The following GLI3 variants were observed in gnomAD, a reference collection of about 807,000 sequenced individuals.
GLI3 encodes the protein GLI family zinc finger 3.
GLI3 carries 20 observed loss-of-function variants against 100.8 expected under a neutral mutation model. The observed-to-expected ratio is 0.20, with a 90% CI of 0.14 to 0.29. GLI3 has a LOEUF of 0.29. Ranked by LOEUF, GLI3 falls within the 10% of genes least tolerant of loss-of-function variation. The pLI, the probability that GLI3 is intolerant of heterozygous loss-of-function variation, is 1.00. For missense variants in GLI3, 2,040 were observed against 2,128.5 expected (o/e 0.96, Z 0.82); for synonymous variants, 938 against 860.5 (o/e 1.09, Z -1.58).
chr7:42,214,703 TA>T (rs1217518611), intron 2 of GLI3, among the ~76,000 whole-genome samples: 1 of 151,744 alleles, frequency 6.6e-6, no homozygotes, highest in African/African-American at 2.4e-5. Flanking sequence ...ATTTTCCCTT[TA>T]GGTTATAGCT....
chr7:42,148,759 T>C (rs1398709973), intron 2 of GLI3, among the ~76,000 whole-genome samples: 1 of 152,176 alleles, frequency 6.6e-6, no homozygotes, highest in Non-Finnish European at 1.5e-5. Flanking sequence ...AGCTTCTAGA[T>C]GGGTCTGCCC....
At chr7:42,152,181 A>G (rs1389092618) in intron 2 of GLI3, 3 of 153,038 alleles carry the variant, frequency 2.0e-5, no homozygotes, top group African/African-American at 7.2e-5. Context: ...CTAACTAAGG[A>G]CACCTCCTGT....
At chr7:42,033,820 A>T (rs1178515062) in intron 7 of GLI3, among the ~76,000 whole-genome samples, 1 of 152,154 alleles carries the variant, frequency 6.6e-6, no homozygotes, top group Non-Finnish European at 1.5e-5. Context: ...GAGAGGGAAA[A>T]AAATAAAGCT....
chr7:42,095,301 G>A (rs559211089), intron 3 of GLI3, among the ~76,000 whole-genome samples: 3 of 152,168 alleles, frequency 2.0e-5, no homozygotes, highest in Admixed American at 6.5e-5. Flanking sequence ...GAGACCCTCC[G>A]GGAACCACGG....
chr7:42,113,535 C>A, intron 3 of GLI3: 3 of 1,175,888 alleles, frequency 2.6e-6, no homozygotes, highest in Non-Finnish European at 3.8e-6. Context: ...AAAGCTGATG[C>A]TGGCAAGGAG....
chr7:42,192,472 A>G lies in GLI3; in HGVS notation c.124+30658T>C, dbSNP rs191900834. On this transcript the variant is annotated intron_variant, in intron 2 of 14. Coordinates refer to ENST00000395925, the MANE Select transcript of GLI3 (RefSeq NM_000168.6). ...CAAGGTATAGATAAAGACAAAAGAA[A>G]AGATGCTAAAATTTAAAACAGCTCA... 3.1e-3 allele frequency among the ~76,000 whole-genome samples: 473 copies of G among 152,312 alleles called. 3 individuals are homozygous for G. The highest frequency in any genetic ancestry group is 0.011 in the African/African-American group (447 of 41,572).
At chr7:42,094,581 CA>C (rs944822115) in intron 3 of GLI3, among the ~76,000 whole-genome samples, 7 of 151,604 alleles carry the variant, frequency 4.6e-5, no homozygotes, top group African/African-American at 1.7e-4. Flanking sequence ...ACTAAAAATA[CA>C]AAAAAATAGG....
intron 3 of GLI3, among the ~76,000 whole-genome samples, chr7:42,110,719 T>C (rs145578839): frequency 6.6e-6 from 1 of 152,232 alleles, no homozygotes; most frequent in East Asian, 1.9e-4. Context: ...GTAGAGCACA[T>C]ACTAACTTTA....
At chr7:42,097,182 C>A (rs758497848) in intron 3 of GLI3, among the ~76,000 whole-genome samples, 2 of 152,192 alleles carry the variant, frequency 1.3e-5, no homozygotes, top group Non-Finnish European at 2.9e-5. Context: ...ACTGGCACTC[C>A]CTGCTGCTTT....
chr7:42,167,297 CACAAACTACCATACT>C (rs1787265633), intron 2 of GLI3, among the ~76,000 whole-genome samples: 1 of 152,164 alleles, frequency 6.6e-6, no homozygotes, highest in Non-Finnish European at 1.5e-5. Flanking sequence ...GACAAATGGA[CACAAACTACCATACT>C]ACAGAATTCC....
intron 1 of GLI3, among the ~76,000 whole-genome samples, chr7:42,232,314 G>A (rs879696298): frequency 6.6e-6 from 1 of 152,168 alleles, no homozygotes; most frequent in Non-Finnish European, 1.5e-5. Flanking sequence ...AGAAAGCAAG[G>A]ATTACAGTCA....
At chr7:42,230,852 G>A (rs1287403671) in intron 1 of GLI3, among the ~76,000 whole-genome samples, 2 of 152,190 alleles carry the variant, frequency 1.3e-5, no homozygotes, top group African/African-American at 4.8e-5. Context: ...TACGGGGTTA[G>A]CTGGATACAG....
At position 41,967,789 on chromosome 7, in the gene GLI3, T is replaced by A. The variant is rs371971414; in HGVS notation, c.2238A>T (p.Glu746Asp). The change falls in exon 14 of 15, where the codon GAA becomes GAT. Residue 746 changes from glutamate to aspartate, a missense_variant. Physicochemically the swap from Glu to Asp is conservative, Grantham distance 45. Coordinates refer to ENST00000395925, the MANE Select transcript of GLI3 (RefSeq NM_000168.6). ...GSIGDLSAIDETPIMDSTIST... is the reference protein window; with the variant it reads ...GSIGDLSAIDDTPIMDSTIST... ...AAATGGTTGAGTCCATGATTGGGGT[T>A]TCATCGATGGCACTGAGGTCTCCTA... The A allele has an allele frequency of 3.1e-6, 5 of 1,614,054 alleles. No individual in the cohort carries two copies. In the African/African-American group the frequency reaches 5.3e-5, roughly 17 times the overall value.
At chr7:42,179,657 A>C (rs1787551577) in intron 2 of GLI3, among the ~76,000 whole-genome samples, 1 of 152,098 alleles carries the variant, frequency 6.6e-6, no homozygotes, top group Admixed American at 6.5e-5. Context: ...AAGTCCACAG[A>C]ATTTCCTAGC....
At chr7:42,259,201 C>T (rs1400622692) in intron 1 of GLI3, among the ~76,000 whole-genome samples, 3 of 152,144 alleles carry the variant, frequency 2.0e-5, no homozygotes, top group Admixed American at 6.5e-5. Flanking sequence ...TTGACCATTG[C>T]TACATTATTC....
intron 3 of GLI3, among the ~76,000 whole-genome samples, chr7:42,084,016 A>G (rs1367279395): frequency 3.3e-5 from 5 of 152,216 alleles, no homozygotes; most frequent in African/African-American, 9.6e-5. Flanking sequence ...CTAAAACCCA[A>G]TAAGCTTTTA....
chr7:42,152,282 T>C (rs963960490), intron 2 of GLI3: 5 of 466,260 alleles, frequency 1.1e-5, no homozygotes, highest in African/African-American at 1.1e-4. Flanking sequence ...AAACCCATTT[T>C]AATACCCACT....
chr7:42,064,971 C>T (rs1352020530), intron 4 of GLI3, among the ~76,000 whole-genome samples: 1 of 152,044 alleles, frequency 6.6e-6, no homozygotes, highest in African/African-American at 2.4e-5. Context: ...AAGCCTCGTT[C>T]AAGCCAGGCC....
chr7:42,200,380 A>C (rs1232810565), intron 2 of GLI3, among the ~76,000 whole-genome samples: 1 of 152,220 alleles, frequency 6.6e-6, no homozygotes, highest in Non-Finnish European at 1.5e-5. Context: ...AAAAGGAATG[A>C]AGGAAAGAGA....
Sources: allele counts gnomAD v4.1 joint callset (sites outside exome capture counted in the v4.1 genomes callset), GRCh38; gene constraint gnomAD v4.1.1; transcripts MANE v1.5; gene names NCBI Gene and HGNC (gene_info 2026-07-23, HGNC 2026-07-21).